TMEM117: variants seen among roughly 807,000 people sequenced by gnomAD.
The protein encoded by TMEM117 is transmembrane protein 117.
A neutral mutation model predicts 52.4 loss-of-function variants in TMEM117; 27 were observed. The ratio of observed to expected loss-of-function variants is 0.51; its 90% CI spans 0.38 to 0.71. TMEM117 has a LOEUF of 0.71. TMEM117 is among the 30% of genes least tolerant of loss of function. The pLI, the probability that TMEM117 is intolerant of heterozygous loss-of-function variation, is 0.00. For synonymous variants in TMEM117, 215 were observed against 206.3 expected, an observed-to-expected ratio of 1.04 and a Z score of -0.36; for missense variants, 556 against 630.5, an observed-to-expected ratio of 0.88 and a Z score of 1.26.
At chr12:44,097,933 A>G (rs1056562353) in intron 3 of TMEM117, among the ~76,000 whole-genome samples, 26 of 152,086 alleles carry the variant, frequency 1.7e-4, no homozygotes, top group African/African-American at 5.1e-4. Flanking sequence ...GTGCTTGGAG[A>G]CAGTTCAGAT....
chr12:44,006,673 G>A (rs116023939), intron 3 of TMEM117, among the ~76,000 whole-genome samples: 1,693 of 152,150 alleles, frequency 0.011, 14 homozygotes, highest in African/African-American at 0.028. Context: ...GGCTGGGGGC[G>A]GGGAAACTTT....
Position 44,063,107 on chromosome 12 carries a change from G to A in TMEM117, c.411-80418G>A, listed in dbSNP as rs942988094. On this transcript the variant is annotated intron_variant, in intron 3 of 7. Coordinates refer to ENST00000266534, the MANE Select transcript of TMEM117 (RefSeq NM_032256.3). ...AACACCCTCCCTCCTCCTGCAGAAT[G>A]TGACTGCTCAGAGACGTAGAGACAC... is the stretch of plus-strand genomic sequence containing the variant. Among the ~76,000 whole-genome samples, 106 of 152,332 alleles carry A rather than the reference G, an allele frequency of 7.0e-4. 1 individual carries two copies. Among genetic ancestry groups the A allele is most frequent in the African/African-American group, 2.5e-3 (104 of 41,570 alleles).
rs531464603 is a variant in TMEM117 at position 43,873,734 on chromosome 12, T to C, written c.277+28806T>C. Among the ~76,000 whole-genome samples the C allele has an allele frequency of 1.1e-3, 161 of 152,178 alleles. 2 individuals are homozygous for C. The highest frequency in any genetic ancestry group is 3.4e-3 in the African/African-American group (140 of 41,568). On this transcript the variant is annotated intron_variant, in intron 2 of 7. Transcript: ENST00000266534. ...TTTTCGTTTTATTTTATTTTATTTT[T>C]TCCTTTTATATTTCTCAAAATTTCA...
intron 5 of TMEM117, among the ~76,000 whole-genome samples, chr12:44,223,756 C>T (rs1949821861): frequency 6.6e-6 from 1 of 152,116 alleles, no homozygotes. Context: ...CTAACTCAGC[C>T]AACCAGAGCT....
intron 5 of TMEM117, among the ~76,000 whole-genome samples, chr12:44,221,246 T>C (rs1472328603): frequency 1.3e-5 from 2 of 152,194 alleles, no homozygotes; most frequent in African/African-American, 2.4e-5. Flanking sequence ...TTTAAAATAC[T>C]GTATCCTAGT....
At chr12:44,148,445 GTGT>G (rs1054198392) in intron 4 of TMEM117, among the ~76,000 whole-genome samples, 18 of 152,054 alleles carry the variant, frequency 1.2e-4, no homozygotes, top group African/African-American at 3.6e-4. Flanking sequence ...TAGAAAAAAT[GTGT>G]TGATTTTAGA....
chr12:44,289,042 T>A (rs1644009), intron 5 of TMEM117, among the ~76,000 whole-genome samples: 32,769 of 152,154 alleles, frequency 0.22, 6,285 homozygotes, highest in African/African-American at 0.52. Context: ...ATCCCTGATA[T>A]CTGTTCTTCT....
At chr12:43,816,363 C>T in the TMEM117 span, among the ~76,000 whole-genome samples, 5 of 152,082 alleles carry the variant, frequency 3.3e-5, no homozygotes, top group Non-Finnish European at 5.9e-5. Context: ...CACAACTTAA[C>T]TCACCTCCTG....
chr12:44,060,161 A>T (rs1173738784), intron 3 of TMEM117, among the ~76,000 whole-genome samples: 2 of 152,214 alleles, frequency 1.3e-5, no homozygotes, highest in African/African-American at 4.8e-5. Flanking sequence ...TAGCCCAGTG[A>T]CTAGGATACG....
At chr12:43,977,748 A>G (rs1480277487) in intron 3 of TMEM117, among the ~76,000 whole-genome samples, 1 of 152,062 alleles carries the variant, frequency 6.6e-6, no homozygotes, top group Non-Finnish European at 1.5e-5. Flanking sequence ...TGGATGTTCC[A>G]CATGTGGCAA....
chr12:44,319,791 G>A (rs1951107003), intron 6 of TMEM117, among the ~76,000 whole-genome samples: 1 of 151,932 alleles, frequency 6.6e-6, no homozygotes, highest in African/African-American at 2.4e-5. Context: ...TTCATTCTTT[G>A]GTTTTCATAA....
intron 6 of TMEM117, among the ~76,000 whole-genome samples, chr12:44,344,736 G>A (rs1018538885): frequency 2.6e-5 from 4 of 152,114 alleles, no homozygotes; most frequent in African/African-American, 9.7e-5. Context: ...GTTGGGGACA[G>A]AGTCCTGTGT....
At chr12:44,322,374 T>C (rs1034152363) in intron 6 of TMEM117, among the ~76,000 whole-genome samples, 1 of 152,204 alleles carries the variant, frequency 6.6e-6, no homozygotes, top group African/African-American at 2.4e-5. Flanking sequence ...TTCCCAGAGA[T>C]CTAGAGTGTT....
downstream of TMEM117, among the ~76,000 whole-genome samples, chr12:44,392,158 C>G (rs1592011104): frequency 6.6e-6 from 1 of 152,056 alleles, no homozygotes; most frequent in Admixed American, 6.6e-5. Flanking sequence ...CTAGAACTGT[C>G]TTATTTGAAC....
chr12:44,096,919 G>A (rs1947774667), intron 3 of TMEM117, among the ~76,000 whole-genome samples: 1 of 151,712 alleles, frequency 6.6e-6, no homozygotes, highest in South Asian at 2.1e-4. Context: ...CCATCAGAGT[G>A]AACAGGCAAC....
intron 2 of TMEM117, among the ~76,000 whole-genome samples, chr12:43,881,981 A>G (rs575611212): frequency 6.6e-6 from 1 of 151,988 alleles, no homozygotes; most frequent in Non-Finnish European, 1.5e-5. Context: ...CTGAGGCAGG[A>G]GAATGGCGTG....
intron 2 of TMEM117, among the ~76,000 whole-genome samples, chr12:43,851,947 C>T (rs571439922): frequency 1.3e-5 from 2 of 152,268 alleles, no homozygotes; most frequent in South Asian, 2.1e-4. Context: ...GTGGCAAATG[C>T]AGAAATGGAT....
intron 4 of TMEM117, among the ~76,000 whole-genome samples, chr12:44,168,463 G>A (rs187688811): frequency 9.1e-4 from 138 of 151,218 alleles, no homozygotes; most frequent in African/African-American, 3.3e-3. Context: ...AATAACATAA[G>A]CATTTACTCC....
Position 44,222,346 on chromosome 12 carries a change from G to T in TMEM117, c.608+10959G>T, listed in dbSNP as rs186711185. Among the ~76,000 whole-genome samples the T allele has an allele frequency of 1.1e-3, 165 of 152,240 alleles. 3 individuals carry two copies. In the South Asian group the frequency reaches 0.018, roughly 17 times the overall value. On this transcript the variant is annotated intron_variant, in intron 5 of 7. Transcript: ENST00000266534. ...TTCTGGGTCATCTGCAGGACTTTGT[G>T]GCATTGGCAGAGAGAAAAGGAGGGC...
Sources: gnomAD v4.1 joint callset for allele counts (sites outside exome capture counted in the v4.1 genomes callset) on GRCh38, gnomAD v4.1.1 for gene constraint, MANE v1.5 for transcripts, NCBI Gene and HGNC (gene_info 2026-07-23, HGNC 2026-07-21) for gene names.